ARHGAP24: variants seen among roughly 807,000 people sequenced by gnomAD.
ARHGAP24 encodes the protein rho GTPase-activating protein 24.
In ARHGAP24, 50 loss-of-function variants were observed where a neutral mutation model predicts 76.4. The observed-to-expected ratio is 0.65, with a 90% CI of 0.52 to 0.83. The LOEUF (loss-of-function observed/expected upper bound fraction) is 0.83, where lower values mean the gene tolerates loss of function less well. Among genes scored for constraint, ARHGAP24 ranks in the 40% least tolerant of loss-of-function variants. The pLI, the probability that ARHGAP24 is intolerant of heterozygous loss-of-function variation, is 0.00. For missense variants in ARHGAP24, 930 were observed against 914.2 expected, an observed-to-expected ratio of 1.02 and a Z score of -0.22; for synonymous variants, 345 against 323.3, an observed-to-expected ratio of 1.07 and a Z score of -0.72.
At chr4:85,917,773 A>C (rs1287561323) in intron 3 of ARHGAP24, among the ~76,000 whole-genome samples, 5 of 152,146 alleles carry the variant, frequency 3.3e-5, no homozygotes, top group Non-Finnish European at 7.4e-5. Flanking sequence ...TCACAATTTT[A>C]TTGACAACTT....
At chr4:85,695,333 G>T (rs1386557414) in intron 2 of ARHGAP24, among the ~76,000 whole-genome samples, 3 of 152,184 alleles carry the variant, frequency 2.0e-5, no homozygotes, top group Non-Finnish European at 4.4e-5. Flanking sequence ...TAAAGACAGG[G>T]TTTGCCTTCA....
At chr4:85,534,383 G>T (rs952163460) in intron 1 of ARHGAP24, among the ~76,000 whole-genome samples, 1 of 152,154 alleles carries the variant, frequency 6.6e-6, no homozygotes, top group Non-Finnish European at 1.5e-5. Flanking sequence ...CTGTAAGACT[G>T]CAGGAAGAAG....
At chr4:85,517,415 A>G (rs1051267338) in intron 1 of ARHGAP24, among the ~76,000 whole-genome samples, 1 of 152,182 alleles carries the variant, frequency 6.6e-6, no homozygotes, top group East Asian at 1.9e-4. Flanking sequence ...TTGTTTTAAA[A>G]CATGGGGCAA....
At chr4:85,935,589 A>G (rs1736586201) in intron 4 of ARHGAP24, among the ~76,000 whole-genome samples, 1 of 152,252 alleles carries the variant, frequency 6.6e-6, no homozygotes, top group Admixed American at 6.5e-5. Context: ...TTTTAGAATC[A>G]TATGGAGCTG....
At chr4:85,495,496 G>A (rs1210740127) in intron 1 of ARHGAP24, among the ~76,000 whole-genome samples, 6 of 146,338 alleles carry the variant, frequency 4.1e-5, no homozygotes, top group Middle Eastern at 3.4e-3. Context: ...GACTACAGGC[G>A]CCCGCCACCA....
chr4:85,630,945 G>A (rs1312924129), intron 2 of ARHGAP24, among the ~76,000 whole-genome samples: 3 of 151,820 alleles, frequency 2.0e-5, no homozygotes, highest in Non-Finnish European at 4.4e-5. Context: ...GTTTGTTGTT[G>A]TTCTTTAATA....
chr4:85,681,909 A>G (rs60809344), intron 2 of ARHGAP24, among the ~76,000 whole-genome samples: 15,272 of 152,290 alleles, frequency 0.1, 871 homozygotes, highest in East Asian at 0.16. Context: ...GTTCTATTCA[A>G]AATAATTTAT....
At chr4:85,678,531 T>G (rs905159940) in intron 2 of ARHGAP24, among the ~76,000 whole-genome samples, 1 of 152,040 alleles carries the variant, frequency 6.6e-6, no homozygotes, top group Non-Finnish European at 1.5e-5. Flanking sequence ...AGCAAAACAT[T>G]AAAACAAGAG....
intron 8 of ARHGAP24, among the ~76,000 whole-genome samples, chr4:85,993,672 G>A (rs1740473203): frequency 6.6e-6 from 1 of 152,080 alleles, no homozygotes; most frequent in Admixed American, 6.6e-5. Flanking sequence ...CAAGTTTTAA[G>A]TATTTTATAT....
At chr4:85,974,797 T>A in intron 6 of ARHGAP24, 91 bp from the exon 7 acceptor site, 1 of 1,245,032 alleles carries the variant, frequency 8.0e-7, no homozygotes. Context: ...GTGAAACTAA[T>A]TTTTTAAAAA....
chr4:85,820,587 C>T (rs1037578690), intron 3 of ARHGAP24, among the ~76,000 whole-genome samples: 8 of 152,022 alleles, frequency 5.3e-5, no homozygotes, highest in Admixed American at 3.9e-4. Context: ...CCATGAGATG[C>T]AATTTATCTA....
rs1578129624 is a variant in ARHGAP24 at position 85,673,193 on chromosome 4, T to G, written c.181-48692T>G. Reference sequence around the variant, plus strand: ...TTCCTTTTGTTCAAGTGCACTTCCCTTTAGTGGCCTGGATTCAGAGATTCT... The same window carrying G: ...TTCCTTTTGTTCAAGTGCACTTCCCGTTAGTGGCCTGGATTCAGAGATTCT... On this transcript the variant is annotated intron_variant, in intron 2 of 9. Coordinates refer to ENST00000395184, the MANE Select transcript of ARHGAP24 (RefSeq NM_001025616.3). Among the ~76,000 whole-genome samples, 5 of 152,276 alleles carry G rather than the reference T, an allele frequency of 3.3e-5. No individual in the cohort carries two copies. The East Asian group carries it at 9.6e-4, about 29-fold the overall frequency.
At position 85,994,872 on chromosome 4, in the gene ARHGAP24, T is replaced by G; in HGVS notation, c.1218T>G (p.Ser406Arg). ...GCAAAACCAACAGCCCAAAGAACAG[T>G]GTTCACAAGCTAGATGTGTCTAGAA... ...SGSKTNSPKN[S>R]VHKLDVSRSP... Residue 406 changes from serine (S) to arginine (R), a missense_variant, in exon 9 of 10, where the codon AGT becomes AGG. By Grantham distance (110) the Ser-to-Arg change is moderately radical. Coordinates refer to ENST00000395184, the MANE Select transcript of ARHGAP24 (RefSeq NM_001025616.3). 6.2e-7 allele frequency: 1 copy of G among 1,613,958 alleles called. No homozygotes were observed. The highest frequency in any genetic ancestry group is 8.5e-7 in the Non-Finnish European group (1 of 1,180,012).
At chr4:85,638,837 G>A (rs1441434800) in intron 2 of ARHGAP24, among the ~76,000 whole-genome samples, 1 of 152,146 alleles carries the variant, frequency 6.6e-6, no homozygotes, top group African/African-American at 2.4e-5. Flanking sequence ...GGAGATGCTA[G>A]TGAGCAAAAC....
At chr4:85,890,989 G>T (rs1158200645) in intron 3 of ARHGAP24, among the ~76,000 whole-genome samples, 2 of 152,082 alleles carry the variant, frequency 1.3e-5, no homozygotes, top group African/African-American at 4.8e-5. Flanking sequence ...GTGAGATTGC[G>T]ATGGATGATA....
chr4:85,774,531 C>T (rs1727239007), intron 3 of ARHGAP24, among the ~76,000 whole-genome samples: 1 of 152,182 alleles, frequency 6.6e-6, no homozygotes, highest in Non-Finnish European at 1.5e-5. Flanking sequence ...ACTACTGCAG[C>T]ATTCAGGAAA....
intron 3 of ARHGAP24, among the ~76,000 whole-genome samples, chr4:85,780,034 T>G (rs566956650): frequency 6.6e-6 from 1 of 152,290 alleles, no homozygotes; most frequent in African/African-American, 2.4e-5. Context: ...TAAATGCAAT[T>G]TAATGTTCCC....
At chr4:85,660,115 T>C (rs1308222203) in intron 2 of ARHGAP24, among the ~76,000 whole-genome samples, 2 of 152,190 alleles carry the variant, frequency 1.3e-5, no homozygotes, top group African/African-American at 2.4e-5. Context: ...AACTTTGCAG[T>C]TGAGTGCCTT....
chr4:85,722,099 T>G, intron 3 of ARHGAP24, 127 bp downstream of exon 3: 1 of 831,850 alleles, frequency 1.2e-6, no homozygotes, highest in Non-Finnish European at 2.0e-6. Flanking sequence ...TTGGTTAGTG[T>G]TGACGCAGAT....
Sources: allele counts gnomAD v4.1 joint callset (sites outside exome capture counted in the v4.1 genomes callset), GRCh38; gene constraint gnomAD v4.1.1; transcripts MANE v1.5; gene names NCBI Gene and HGNC (gene_info 2026-07-23, HGNC 2026-07-21).